Variants in CLEC4C observed in about 807,000 individuals in gnomAD.
CLEC4C encodes the protein C-type lectin domain family 4 member C, also known as C-type (calcium dependent, carbohydrate-recognition domain) lectin, superfamily member 11.
Under a neutral mutation model 27.7 loss-of-function variants are expected in CLEC4C, and 17 were observed. That is an observed-to-expected ratio of 0.61 (90% CI 0.42 to 0.92). CLEC4C has a LOEUF of 0.92. Among genes scored for constraint, CLEC4C ranks in the 40% least tolerant of loss-of-function variants. CLEC4C has a pLI of 0.00. For synonymous variants in CLEC4C, 80 were observed against 80.8 expected (o/e 0.99, Z 0.06); for missense variants, 244 against 257.3 (o/e 0.95, Z 0.35).
chr12:7,732,479 G>A (rs751928613), intron 4 of CLEC4C, among the ~76,000 whole-genome samples: 1 of 151,444 alleles, frequency 6.6e-6, no homozygotes, highest in South Asian at 2.1e-4. Flanking sequence ...AGGCTCCAGA[G>A]TAGCTGGGAT....
chr12:7,732,288 C>T (rs1467578076), intron 4 of CLEC4C, among the ~76,000 whole-genome samples: 2 of 151,854 alleles, frequency 1.3e-5, no homozygotes, highest in Non-Finnish European at 1.5e-5. Context: ...CCTAGGCCTC[C>T]CAAAGTGCTG....
At chr12:7,743,024 A>T (rs1224542805) in intron 2 of CLEC4C, among the ~76,000 whole-genome samples, 1 of 152,072 alleles carries the variant, frequency 6.6e-6, no homozygotes, top group Non-Finnish European at 1.5e-5. Context: ...ATACGTATAT[A>T]TCTTGATTTC....
At chr12:7,739,733 GCA>G (rs1158148436) in intron 3 of CLEC4C, among the ~76,000 whole-genome samples, 1 of 151,962 alleles carries the variant, frequency 6.6e-6, no homozygotes, top group East Asian at 1.9e-4. Flanking sequence ...GGGCTGGAGT[GCA>G]GCAGTGTAAT....
At chr12:7,740,853 T>C (rs1267462409) in intron 3 of CLEC4C, among the ~76,000 whole-genome samples, 5 of 146,100 alleles carry the variant, frequency 3.4e-5, no homozygotes, top group African/African-American at 1.3e-4. Flanking sequence ...GTCTATTTTT[T>C]TTTTTGAGAC....
chr12:7,743,529 C>A (rs7304384), intron 2 of CLEC4C, among the ~76,000 whole-genome samples: 6 of 151,718 alleles, frequency 4.0e-5, no homozygotes, highest in South Asian at 2.1e-4. Context: ...GCACTACAGG[C>A]GCCCGCCACC....
At chr12:7,735,718 G>A (rs1288660474) in intron 4 of CLEC4C, among the ~76,000 whole-genome samples, 3 of 150,544 alleles carry the variant, frequency 2.0e-5, no homozygotes, top group Admixed American at 1.3e-4. Context: ...GAGGAGAATC[G>A]CTTGAACGCA....
rs145027289 is a variant in CLEC4C, at chr12:7,734,587, C to G, written c.381+2842G>C. Reference sequence around the variant, plus strand: ...TTTTTTTGAGACAGTTTTGCTTTTTCACCCAGACTGGAACGAAGTGGCATG... The same window carrying G: ...TTTTTTTGAGACAGTTTTGCTTTTTGACCCAGACTGGAACGAAGTGGCATG... On this transcript the variant is annotated intron_variant, in intron 4 of 5. Coordinates refer to ENST00000360345, the MANE Select transcript of CLEC4C (RefSeq NM_001371390.1). Among the ~76,000 whole-genome samples the G allele has an allele frequency of 4.9e-3, 668 of 137,072 alleles. 4 individuals are homozygous for G. The highest frequency in any genetic ancestry group is 0.017 in the African/African-American group (632 of 36,704). 89.9% of individuals were successfully genotyped at this position (137,072 alleles called of 152,430 possible).
At chr12:7,749,230 C>T (rs759691894), upstream of CLEC4C, 3 of 152,342 alleles carry the variant, frequency 2.0e-5, no homozygotes, top group South Asian at 2.1e-4. Context: ...GGCCCCTTGG[C>T]TCTTGAGGGA....
At chr12:7,748,231 G>A (rs1865029657), upstream of CLEC4C, among the ~76,000 whole-genome samples, 1 of 152,100 alleles carries the variant, frequency 6.6e-6, no homozygotes, top group Non-Finnish European at 1.5e-5. Flanking sequence ...GTAGAGTAGT[G>A]AGAAAAAAGT....
In CLEC4C at chr12:7,741,297, G is replaced by C; in HGVS notation, c.235+124C>G. 4.7e-6 allele frequency: 3 copies of C among 640,830 alleles called. No homozygotes were observed. The South Asian group carries it at 5.3e-5, about 11-fold the overall frequency. 39.7% of individuals were successfully genotyped at this position (640,830 alleles called of 1,614,324 possible). A position where few individuals can be genotyped will look rare whatever the true frequency, so the allele number is the denominator to read the frequency against. ...GTCTATTTAAGATACCAAGTAGATA[G>C]TTAAAGAATGCAGTAGGAAAAACCA... On this transcript the variant is annotated intron_variant, in intron 3 of 5. Transcript: ENST00000360345.
At chr12:7,746,855 A>G (rs4883439) in intron 1 of CLEC4C, among the ~76,000 whole-genome samples, 147,405 of 152,154 alleles carry the variant, frequency 0.97, 71,551 homozygotes, top group South Asian at 1. Context: ...ATGGAGTTTC[A>G]CTCCTGTTGC....
rs780546632 is a variant in CLEC4C, at chr12:7,742,777, T to C, written c.125-1246A>G. Among the ~76,000 whole-genome samples, 8 of 151,870 alleles carry C rather than the reference T, an allele frequency of 5.3e-5. No homozygotes were observed. The South Asian group carries it at 1.7e-3, about 32-fold the overall frequency. On this transcript the variant is annotated intron_variant, in intron 2 of 5. Coordinates refer to ENST00000360345, the MANE Select transcript of CLEC4C (RefSeq NM_001371390.1). ...GTGAGCCGAGATCGCACCACTGCAC[T>C]CCAGCCTGGCAACAGAACGAGACTC... is the stretch of plus-strand genomic sequence containing the variant.
rs1326051133 is a variant in CLEC4C at position 7,746,329 on chromosome 12, AC to A, written c.124+1del. 1 of 1,602,928 alleles carries A rather than the reference AC, an allele frequency of 6.2e-7. No homozygotes were observed. The highest frequency in any genetic ancestry group is 8.5e-7 in the Non-Finnish European group (1 of 1,170,224). On this transcript the variant is annotated splice_donor_variant, in intron 2 of 5. Transcript: ENST00000360345. LOFTEE classifies it high-confidence loss of function. ...ATGACTGCACTCCAGCCAAGAACTT[AC>A]CCACAGAACTCACAGTGAAACAGAC...
At chr12:7,734,310 C>T (rs1282023392) in intron 4 of CLEC4C, among the ~76,000 whole-genome samples, 2 of 152,094 alleles carry the variant, frequency 1.3e-5, no homozygotes, top group East Asian at 1.9e-4. Flanking sequence ...ACAGGATGAA[C>T]AGCACTTTTG....
chr12:7,743,036 C>T (rs1266949918), intron 2 of CLEC4C, among the ~76,000 whole-genome samples: 1 of 151,978 alleles, frequency 6.6e-6, no homozygotes, highest in African/African-American at 2.4e-5. Flanking sequence ...CTTGATTTCC[C>T]CCTACAATAA....
At chr12:7,748,636 T>G (rs1310752380), upstream of CLEC4C, among the ~76,000 whole-genome samples, 1 of 152,184 alleles carries the variant, frequency 6.6e-6, no homozygotes, top group African/African-American at 2.4e-5. Flanking sequence ...AAGTCCTGTT[T>G]GGTCTCTTGT....
intron 2 of CLEC4C, among the ~76,000 whole-genome samples, chr12:7,744,212 G>A (rs1483025167): frequency 6.6e-6 from 1 of 152,170 alleles, no homozygotes; most frequent in African/African-American, 2.4e-5. Flanking sequence ...AGACTTGGAA[G>A]GGACAACTAT....
At chr12:7,747,865 C>T (rs962124440), upstream of CLEC4C, among the ~76,000 whole-genome samples, 27 of 146,072 alleles carry the variant, frequency 1.8e-4, no homozygotes, top group South Asian at 4.3e-4. Context: ...TTGTCTCGAA[C>T]TCCTGACCTC....
At chr12:7,742,810 AAAATAAATAAATAAAT>A (rs71038739) in intron 2 of CLEC4C, among the ~76,000 whole-genome samples, 154 of 145,226 alleles carry the variant, frequency 1.1e-3, no homozygotes, top group East Asian at 2.8e-3. Context: ...CTCCATCTCA[AAAATAAATAAATAAAT>A]AAATAAATAA....
Sources: allele counts gnomAD v4.1 joint callset (sites outside exome capture counted in the v4.1 genomes callset), GRCh38; gene constraint gnomAD v4.1.1; transcripts MANE v1.5; gene names NCBI Gene and HGNC (gene_info 2026-07-23, HGNC 2026-07-21).